The following NCSTN variants were observed in gnomAD, a reference collection of about 807,000 sequenced individuals.
NCSTN encodes the protein nicastrin, also known as anterior pharynx-defective 2.
A neutral mutation model predicts 87.0 loss-of-function variants in NCSTN; 22 were observed. The observed-to-expected ratio is 0.25, with a 90% CI of 0.18 to 0.36. The LOEUF (loss-of-function observed/expected upper bound fraction) is 0.36. Ranked by LOEUF, NCSTN falls within the 10% of genes least tolerant of loss-of-function variation. The pLI is 1.00. For synonymous variants in NCSTN, 306 were observed against 327.1 expected (o/e 0.94, Z 0.69); for missense variants, 693 against 883.3 (o/e 0.78, Z 2.73).
In NCSTN at chr1:160,349,633, C is replaced by T. The variant is rs757555987; in HGVS notation, c.399C>T (p.Gly133=). The part of the protein sequence containing the change: ...VSLTKPSPAS[G]FSPSVQCPND... ...TGACCAAGCCCAGTCCTGCCTCAGG[C>T]TTCTCTCCTAGTGTACAGTGCCCAA... is the stretch of plus-strand genomic sequence containing the variant. The change falls in exon 4 of 17, where the codon GGC becomes GGT. Residue 133 remains glycine, a synonymous_variant. Coordinates refer to ENST00000294785, the MANE Select transcript of NCSTN (RefSeq NM_015331.3). The T allele has an allele frequency of 1.9e-6, 3 of 1,614,034 alleles. No homozygotes were observed. In the African/African-American group the frequency reaches 4.0e-5, roughly 22 times the overall value.
At chr1:160,349,763 G>A in intron 4 of NCSTN, 93 bp downstream of exon 4, 1 of 1,528,524 alleles carries the variant, frequency 6.5e-7, no homozygotes, top group Non-Finnish European at 9.0e-7. Context: ...ATATGTGTTT[G>A]TGTCTGTGTG....
At chr1:160,351,592 C>T (rs965553806) in intron 6 of NCSTN, 104 bp from the exon 7 acceptor site, 14 of 1,295,194 alleles carry the variant, frequency 1.1e-5, no homozygotes, top group African/African-American at 7.3e-5. Flanking sequence ...GTAGAGAAAA[C>T]GACTTAGAGT....
At chr1:160,354,332 G>A (rs1393266860) in intron 11 of NCSTN, 42 bp downstream of exon 11, 4 of 1,604,300 alleles carry the variant, frequency 2.5e-6, no homozygotes, top group Non-Finnish European at 3.4e-6. Flanking sequence ...TTCTTGAAGA[G>A]AGTCTATTCT....
At position 160,351,169 on chromosome 1, in the gene NCSTN, A is replaced by G. The variant is rs887274369; in HGVS notation, c.583-53A>G. ...TGGGCCCTCCTCCTTCTGGGATGTA[A>G]GGGAGGGCCTCCACAAACTAGCTGT... is the stretch of plus-strand genomic sequence containing the variant. On this transcript the variant is annotated intron_variant, in intron 5 of 16. Transcript: ENST00000294785. The G allele has an allele frequency of 1.9e-6, 3 of 1,598,048 alleles. No homozygotes were observed. In the South Asian group the frequency reaches 3.3e-5, roughly 18 times the overall value.
Position 160,356,605 on chromosome 1 carries a change from G to T in NCSTN, c.1645G>T (p.Gly549Trp), listed in dbSNP as rs138971211. Residue 549 changes from glycine to tryptophan, a missense_variant, in exon 15 of 17, where the codon GGG (glycine) becomes TGG (tryptophan). By Grantham distance (184) the Gly-to-Trp change is radical (BLOSUM62 -2). Around this residue, in one of 4 missense-constraint regions of NCSTN, gnomAD observed 216 missense variants for 311.7 expected, o/e 0.69. Coordinates refer to ENST00000294785, the MANE Select transcript of NCSTN (RefSeq NM_015331.3). ...TCCCTTTGGTCTGCACTCAGGTGACGGGCCTCTTCAACATTACATCGCTGT... is the reference window on the plus strand; with the variant it reads ...TCCCTTTGGTCTGCACTCAGGTGACTGGCCTCTTCAACATTACATCGCTGT... ...RQDLRSYLGDGPLQHYIAVSS... is the reference protein window; with the variant it reads ...RQDLRSYLGDWPLQHYIAVSS... 4 of 1,614,116 alleles carry T rather than the reference G, an allele frequency of 2.5e-6. No individual in the cohort carries two copies. The highest frequency in any genetic ancestry group is 3.4e-6 in the Non-Finnish European group (4 of 1,180,010).
Position 160,350,099 on chromosome 1 carries a change from C to T in NCSTN, c.437-6C>T. 6.2e-7 allele frequency: 1 copy of T among 1,613,940 alleles called. No individual in the cohort carries two copies. Among genetic ancestry groups the T allele is most frequent in the Non-Finnish European group, 8.5e-7 (1 of 1,179,830 alleles). ...CAGTCCCCCTATTCCCCATCCTTCC[C>T]TTCAGGTGTTTACTCCAATTCCTAT... is the stretch of plus-strand genomic sequence containing the variant. On this transcript the variant is annotated splice_region_variant and splice_polypyrimidine_tract_variant and intron_variant, in intron 4 of 16. Coordinates refer to ENST00000294785, the MANE Select transcript of NCSTN (RefSeq NM_015331.3).
intron 11 of NCSTN, among the ~76,000 whole-genome samples, chr1:160,355,065 A>G (rs1004607): frequency 0.014 from 2,078 of 152,248 alleles, 27 homozygotes; most frequent in Non-Finnish European, 0.021. Flanking sequence ...ATTTGAACAC[A>G]TTTTGGATTT....
In NCSTN at chr1:160,356,478, T is replaced by G. The variant is rs543589987; in HGVS notation, c.1640-122T>G. The G allele has an allele frequency of 1.8e-5, 26 of 1,456,966 alleles. 1 individual carries two copies. In the South Asian group the frequency reaches 2.5e-4, roughly 14 times the overall value. The allele number at this position is 1,456,966 out of a possible 1,614,324, so 90.3% of individuals were successfully genotyped here. A position where few individuals can be genotyped will look rare whatever the true frequency, so the allele number is the denominator to read the frequency against. On this transcript the variant is annotated intron_variant, in intron 14 of 16. Transcript: ENST00000294785. ...CTTACCCCCTGTTTTCCTTTCTTTC[T>G]TCTCATATTTGATGGATCCTTTTCC...
At chr1:160,349,336 ATCCC>A (rs2101898357) in intron 3 of NCSTN, 1 of 907,422 alleles carries the variant, frequency 1.1e-6, no homozygotes, top group East Asian at 2.6e-5. Flanking sequence ...AACCCTGGGC[ATCCC>A]TCCCCTCCCT....
intron 1 of NCSTN, chr1:160,343,954 GTTTTT>G (rs35301624): frequency 3.7e-4 from 56 of 152,420 alleles, no homozygotes; most frequent in Admixed American, 1.4e-3. Context: ...CTTGCCTCAG[GTTTTT>G]TTTTTTTTTT....
intron 4 of NCSTN, 73 bp downstream of exon 4, chr1:160,349,743 T>C: frequency 6.4e-7 from 1 of 1,574,188 alleles, no homozygotes; most frequent in Non-Finnish European, 8.7e-7. Context: ...TACGTCTTTG[T>C]GAGGGATGTA....
rs1648752589 is a variant in NCSTN at position 160,350,098 on chromosome 1, C to T, written c.437-7C>T. 1 of 1,613,710 alleles carries T rather than the reference C, an allele frequency of 6.2e-7. No individual in the cohort carries two copies. Among genetic ancestry groups the T allele is most frequent in the Non-Finnish European group, 8.5e-7 (1 of 1,179,784 alleles). On this transcript the variant is annotated splice_region_variant and splice_polypyrimidine_tract_variant and intron_variant, in intron 4 of 16. Transcript: ENST00000294785. ...CCAGTCCCCCTATTCCCCATCCTTC[C>T]CTTCAGGTGTTTACTCCAATTCCTA... is the stretch of plus-strand genomic sequence containing the variant.
In NCSTN at chr1:160,353,509, A is replaced by C. The variant is rs1033763769; in HGVS notation, c.1179+272A>C. The C allele has an allele frequency of 2.2e-6, 3 of 1,342,662 alleles. No homozygotes were observed. The East Asian group carries it at 9.8e-5, about 44-fold the overall frequency. The allele number at this position is 1,342,662 out of a possible 1,614,324, so 83.2% of individuals were successfully genotyped here. On this transcript the variant is annotated intron_variant, in intron 10 of 16. Transcript: ENST00000294785. The stretch of plus-strand genomic sequence containing the variant: ...ACTGCCCATTAAGGATAGGTGAGTG[A>C]CTAGCTCCCTTCTTGCCTTGCTGCC...
rs1325427707 is a variant in NCSTN at position 160,352,044 on chromosome 1, T to C, written c.844-10T>C. 1 of 1,614,000 alleles carries C rather than the reference T, an allele frequency of 6.2e-7. No individual in the cohort carries two copies. The highest frequency in any genetic ancestry group is 8.5e-7 in the Non-Finnish European group (1 of 1,179,972). On this transcript the variant is annotated splice_polypyrimidine_tract_variant and intron_variant, in intron 7 of 16. Transcript: ENST00000294785. ...TATATATCCCCTGACTTTTCTTCTGTTGTACCTAGCTGGATAGTCGTTCCT... is the reference window on the plus strand; with the variant it reads ...TATATATCCCCTGACTTTTCTTCTGCTGTACCTAGCTGGATAGTCGTTCCT...
intron 7 of NCSTN, 86 bp downstream of exon 7, chr1:160,351,891 T>A: frequency 6.8e-7 from 1 of 1,479,838 alleles, no homozygotes; most frequent in Non-Finnish European, 9.4e-7. Context: ...ATTTCAAAGT[T>A]GCTAAATTGG....
rs1327797915 is a variant in NCSTN, at chr1:160,344,732, G to A, written c.96G>A (p.Arg32=). The change falls in exon 2 of 17, where the codon AGG becomes AGA. Residue 32 remains arginine (R), a synonymous_variant. Coordinates refer to ENST00000294785, the MANE Select transcript of NCSTN (RefSeq NM_015331.3). ...SFCVLLAGLC[R]GNSVERKIYI... is the part of the protein sequence containing the mutation. ...TTATCTTCCGATCAGGTTTGTGCAG[G>A]GGAAACTCAGTGGAGAGGAAGATAT... 2 of 1,614,010 alleles carry A rather than the reference G, an allele frequency of 1.2e-6. No individual in the cohort carries two copies. Among genetic ancestry groups the A allele is most frequent in the Non-Finnish European group, 1.7e-6 (2 of 1,179,948 alleles).
chr1:160,347,889 C>T (rs1648600495), intron 2 of NCSTN, among the ~76,000 whole-genome samples: 2 of 152,168 alleles, frequency 1.3e-5, no homozygotes, highest in South Asian at 2.1e-4. Flanking sequence ...ACTGGGATTA[C>T]AGGCATGAGC....
At position 160,358,447 on chromosome 1, in the gene NCSTN, C is replaced by T; in HGVS notation, c.*176C>T. 1 of 795,024 alleles carries T rather than the reference C, an allele frequency of 1.3e-6. No individual in the cohort carries two copies. Among genetic ancestry groups the T allele is most frequent in the South Asian group, 1.5e-5 (1 of 65,562 alleles). The allele number at this position is 795,024 out of a possible 1,614,324, so 49.2% of individuals were successfully genotyped here. A position where few individuals can be genotyped will look rare whatever the true frequency, so the allele number is the denominator to read the frequency against. ...AGGGAGAAATAAATAAATTGCCTCC[C>T]TTCCTCCGCTCCCCTTTCCCATCAC... On this transcript the variant is annotated 3_prime_UTR_variant, in exon 17 of 17. Transcript: ENST00000294785.
intron 2 of NCSTN, chr1:160,345,073 T>G: frequency 1.7e-6 from 1 of 580,356 alleles, no homozygotes; most frequent in South Asian, 2.0e-5. Flanking sequence ...AAATAGGTCT[T>G]ACTGTTATTG....
Sources: allele counts gnomAD v4.1 joint callset (sites outside exome capture counted in the v4.1 genomes callset), GRCh38; gene constraint gnomAD v4.1.1; regional missense constraint gnomAD v4.1.1; transcripts MANE v1.5; gene names NCBI Gene and HGNC (gene_info 2026-07-23, HGNC 2026-07-21).